ERI3: variants seen among roughly 807,000 people sequenced by gnomAD.
ERI3 encodes the protein ERI1 exoribonuclease family member 3.
ERI3 carries 18 observed loss-of-function variants against 44.4 expected under a neutral mutation model. The ratio of observed to expected loss-of-function variants is 0.41; its 90% CI spans 0.28 to 0.60. The LOEUF is 0.60. Among genes scored for constraint, ERI3 ranks in the 20% least tolerant of loss-of-function variants. The probability of loss-of-function intolerance (pLI) is 0.36; values close to 1 mark genes in which losing one functional copy is unlikely to be tolerated. For missense variants in ERI3, 294 were observed against 435.5 expected, an observed-to-expected ratio of 0.68 and a Z score of 2.89; for synonymous variants, 183 against 164.8, an observed-to-expected ratio of 1.11 and a Z score of -0.84.
intron 4 of ERI3, among the ~76,000 whole-genome samples, chr1:44,318,807 T>C (rs1450310890): frequency 6.6e-6 from 1 of 152,248 alleles, no homozygotes; most frequent in African/African-American, 2.4e-5. Flanking sequence ...AGCCCCAGAC[T>C]CTTAAAAGAT....
intron 7 of ERI3, among the ~76,000 whole-genome samples, chr1:44,260,371 CCACA>C (rs1644869604): frequency 6.6e-6 from 1 of 152,204 alleles, no homozygotes; most frequent in Non-Finnish European, 1.5e-5. Context: ...ACAGCATGAC[CCACA>C]CAGACTGCGG....
chr1:44,248,454 A>G (rs1644600437), intron 7 of ERI3, among the ~76,000 whole-genome samples: 1 of 152,140 alleles, frequency 6.6e-6, no homozygotes, highest in Non-Finnish European at 1.5e-5. Flanking sequence ...CACAAAGACT[A>G]GCTTCAGGCA....
In ERI3 at chr1:44,313,302, C is replaced by G; in HGVS notation, c.607-74G>C. On this transcript the variant is annotated intron_variant, in intron 4 of 8. Transcript: ENST00000372257. ...ACTCAAGGCTGAACAGGACCCCTTC[C>G]TTTCTGTTTTTCTCCTTCTGTTGTA... 4 of 1,419,412 alleles carry G rather than the reference C, an allele frequency of 2.8e-6. No individual in the cohort carries two copies. The South Asian group carries it at 4.7e-5, about 17-fold the overall frequency. 87.9% of individuals were successfully genotyped at this position (1,419,412 alleles called of 1,614,324 possible). A position where few individuals can be genotyped will look rare whatever the true frequency, so the allele number is the denominator to read the frequency against.
rs986072671 is a variant in ERI3 at position 44,354,259 on chromosome 1, G to A, written c.135+633C>T. On this transcript the variant is annotated intron_variant, in intron 1 of 8. Coordinates refer to ENST00000372257, the MANE Select transcript of ERI3 (RefSeq NM_024066.3). ...GACAAGAGTAAATGCCATTGAAGTGGCCAGAGACCTCTCGCAGACACAACG... is the reference window on the plus strand; with the variant it reads ...GACAAGAGTAAATGCCATTGAAGTGACCAGAGACCTCTCGCAGACACAACG... 62 of 985,398 alleles carry A rather than the reference G, an allele frequency of 6.3e-5. No homozygotes were observed. In the African/African-American group the frequency reaches 9.6e-4, roughly 15 times the overall value. The allele number at this position is 985,398 out of a possible 1,614,324, so 61.0% of individuals were successfully genotyped here.
At chr1:44,310,959 GCGCGCACACACACACACACACACACA>G (rs1645951702) in intron 5 of ERI3, among the ~76,000 whole-genome samples, 1 of 81,256 alleles carries the variant, frequency 1.2e-5, no homozygotes, top group Admixed American at 1.5e-4. Flanking sequence ...CATCGCGCGC[GCGCGCACACACACACACACACACACA>G]CACACACACA....
intron 8 of ERI3, among the ~76,000 whole-genome samples, chr1:44,230,621 AG>A (rs1462577706): frequency 1.3e-5 from 2 of 152,246 alleles, no homozygotes; most frequent in African/African-American, 4.8e-5. Context: ...GCAAAGTTCC[AG>A]GACCTGTGAC....
chr1:44,333,052 C>T (rs1392167424), intron 3 of ERI3, among the ~76,000 whole-genome samples: 2 of 152,170 alleles, frequency 1.3e-5, no homozygotes, highest in African/African-American at 4.8e-5. Flanking sequence ...GAGTCGGGAG[C>T]CTGTACAAGA....
At chr1:44,314,296 G>A (rs546555973) in intron 4 of ERI3, among the ~76,000 whole-genome samples, 1 of 152,278 alleles carries the variant, frequency 6.6e-6, no homozygotes, top group Non-Finnish European at 1.5e-5. Context: ...ACACCTTTTA[G>A]GGAGAAATTT....
At chr1:44,236,257 A>G (rs1050101191) in intron 8 of ERI3, among the ~76,000 whole-genome samples, 1 of 152,220 alleles carries the variant, frequency 6.6e-6, no homozygotes, top group African/African-American at 2.4e-5. Context: ...TTTATTTACT[A>G]TCTGCCTATA....
chr1:44,261,402 A>G (rs1485598137), intron 7 of ERI3, among the ~76,000 whole-genome samples: 1 of 152,224 alleles, frequency 6.6e-6, no homozygotes, highest in Non-Finnish European at 1.5e-5. Flanking sequence ...TCATACCACT[A>G]ATCCTGCCTT....
chr1:44,236,255 C>T (rs1235399967), intron 8 of ERI3, among the ~76,000 whole-genome samples: 1 of 152,228 alleles, frequency 6.6e-6, no homozygotes, highest in Admixed American at 6.5e-5. Flanking sequence ...ATTTTATTTA[C>T]TATCTGCCTA....
intron 6 of ERI3, among the ~76,000 whole-genome samples, chr1:44,301,648 C>A (rs1167186865): frequency 1.3e-5 from 2 of 152,212 alleles, no homozygotes; most frequent in Non-Finnish European, 2.9e-5. Context: ...CTAGGACGAT[C>A]CACTATGCTG....
At chr1:44,281,907 T>C (rs975623991) in intron 7 of ERI3, among the ~76,000 whole-genome samples, 164 of 151,088 alleles carry the variant, frequency 1.1e-3, no homozygotes, top group African/African-American at 3.9e-3. Context: ...TGTGTGTGTG[T>C]GTGTGTGTGT....
chr1:44,303,642 C>A (rs1054875981), intron 6 of ERI3, among the ~76,000 whole-genome samples: 1 of 152,040 alleles, frequency 6.6e-6, no homozygotes, highest in Non-Finnish European at 1.5e-5. Context: ...TAGGAACTGG[C>A]CAGCTCATGC....
At chr1:44,250,932 G>C (rs1465488416) in intron 7 of ERI3, among the ~76,000 whole-genome samples, 1 of 152,168 alleles carries the variant, frequency 6.6e-6, no homozygotes, top group East Asian at 1.9e-4. Flanking sequence ...TGAGAGCCCT[G>C]GCACGTCTTC....
At chr1:44,330,164 C>G (rs1029962774) in intron 3 of ERI3, among the ~76,000 whole-genome samples, 4 of 152,168 alleles carry the variant, frequency 2.6e-5, no homozygotes, top group Non-Finnish European at 5.9e-5. Flanking sequence ...GTAATACATT[C>G]AAATTTCCTT....
At chr1:44,346,603 T>G (rs1481583491) in intron 2 of ERI3, among the ~76,000 whole-genome samples, 1 of 152,130 alleles carries the variant, frequency 6.6e-6, no homozygotes, top group African/African-American at 2.4e-5. Context: ...CATCATCCCT[T>G]TAAGCACCTC....
At chr1:44,234,804 C>T (rs374061020) in intron 8 of ERI3, among the ~76,000 whole-genome samples, 1 of 151,898 alleles carries the variant, frequency 6.6e-6, no homozygotes, top group Non-Finnish European at 1.5e-5. Context: ...AGTGCAGTGG[C>T]GTGATCTCAG....
Position 44,264,552 on chromosome 1 carries a change from G to A in ERI3, c.832-16514C>T, listed in dbSNP as rs554322538. Among the ~76,000 whole-genome samples the A allele has an allele frequency of 5.3e-4, 81 of 152,346 alleles. 1 individual carries two copies. The highest frequency in any genetic ancestry group is 9.3e-4 in the Non-Finnish European group (63 of 68,024). On this transcript the variant is annotated intron_variant, in intron 7 of 8. Transcript: ENST00000372257. Reference sequence around the variant, plus strand: ...TAATCATGCCGCCAGGCTGGACGGCGCGTGCATAGGCAATGAAGCTCCGGG... The same window carrying A: ...TAATCATGCCGCCAGGCTGGACGGCACGTGCATAGGCAATGAAGCTCCGGG...
Sources: allele counts gnomAD v4.1 joint callset (sites outside exome capture counted in the v4.1 genomes callset), GRCh38; gene constraint gnomAD v4.1.1; transcripts MANE v1.5; gene names NCBI Gene and HGNC (gene_info 2026-07-23, HGNC 2026-07-21).